CLSTN2: variants seen among roughly 807,000 people sequenced by gnomAD.
CLSTN2 encodes the protein calsyntenin 2.
A neutral mutation model predicts 101.2 loss-of-function variants in CLSTN2; 48 were observed. The ratio of observed to expected loss-of-function variants is 0.47; its 90% CI spans 0.38 to 0.60. CLSTN2 has a LOEUF of 0.60. CLSTN2 is among the 20% of genes least tolerant of loss of function. The probability of loss-of-function intolerance (pLI) is 0.00; values close to 1 mark genes in which losing one functional copy is unlikely to be tolerated. For synonymous variants in CLSTN2, 481 were observed against 463.6 expected, an observed-to-expected ratio of 1.04 and a Z score of -0.48; for missense variants, 1,160 against 1,238.2, an observed-to-expected ratio of 0.94 and a Z score of 0.95.
chr3:140,396,850 G>T (rs1315131662), intron 2 of CLSTN2, among the ~76,000 whole-genome samples: 1 of 152,200 alleles, frequency 6.6e-6, no homozygotes, highest in East Asian at 1.9e-4. Flanking sequence ...CAGGAGCAGG[G>T]TATGGAATTA....
intron 8 of CLSTN2, among the ~76,000 whole-genome samples, chr3:140,481,556 G>A (rs1467389678): frequency 8.5e-5 from 13 of 152,094 alleles, no homozygotes; most frequent in Admixed American, 3.9e-4. Flanking sequence ...CCATTTTCAC[G>A]ATATTGATTC....
At chr3:140,554,608 T>G (rs1275797471) in intron 10 of CLSTN2, among the ~76,000 whole-genome samples, 1 of 152,206 alleles carries the variant, frequency 6.6e-6, no homozygotes, top group Non-Finnish European at 1.5e-5. Flanking sequence ...GTTGGCAACA[T>G]TTATCCAAGT....
At chr3:140,472,560 G>A (rs981397833) in intron 8 of CLSTN2, among the ~76,000 whole-genome samples, 73 of 152,224 alleles carry the variant, frequency 4.8e-4, no homozygotes, top group African/African-American at 1.8e-3. Flanking sequence ...TTAAAGACTA[G>A]CTCTTGGCTT....
Position 140,566,133 on chromosome 3 carries a change from C to G in CLSTN2, c.2748C>G (p.Ser916Arg), listed in dbSNP as rs777378227. The G allele has an allele frequency of 3.1e-6, 5 of 1,611,080 alleles. No homozygotes were observed. In the East Asian group the frequency reaches 1.1e-4, roughly 36 times the overall value. ...AAGCCGAGGAAGAAATGAGCTCCAG[C>G]AGTGGCTCTGACGACAGCGAAGAGG... Reference protein sequence around the residue: ...EEEAEEEMSSSSGSDDSEEEE... With the variant: ...EEEAEEEMSSRSGSDDSEEEE... The change falls in exon 17 of 17, where the codon AGC becomes AGG. Residue 916 changes from serine (S) to arginine (R), a missense_variant. By Grantham distance (110) the Ser-to-Arg change is moderately radical. Coordinates refer to ENST00000458420, the MANE Select transcript of CLSTN2 (RefSeq NM_022131.3).
chr3:140,412,873 G>A (rs775026348), intron 4 of CLSTN2, among the ~76,000 whole-genome samples: 2 of 152,122 alleles, frequency 1.3e-5, no homozygotes, highest in Admixed American at 6.5e-5. Flanking sequence ...AAAACTTTTC[G>A]GATGTAGGAA....
chr3:140,170,986 T>C (rs920197257), intron 1 of CLSTN2, among the ~76,000 whole-genome samples: 1 of 152,196 alleles, frequency 6.6e-6, no homozygotes, highest in African/African-American at 2.4e-5. Context: ...ACCATTTAGA[T>C]AGGCACAATG....
chr3:140,436,035 T>G (rs1270207298), intron 5 of CLSTN2, among the ~76,000 whole-genome samples: 1 of 152,214 alleles, frequency 6.6e-6, no homozygotes, highest in Admixed American at 6.5e-5. Context: ...CTCTTCACTT[T>G]GTTGATTGTT....
chr3:140,301,227 A>G (rs2087055295), intron 2 of CLSTN2, among the ~76,000 whole-genome samples: 3 of 152,158 alleles, frequency 2.0e-5, no homozygotes, highest in African/African-American at 4.8e-5. Flanking sequence ...CATATACTTA[A>G]CCATCACAGT....
At chr3:140,531,863 C>A (rs989094898) in intron 8 of CLSTN2, among the ~76,000 whole-genome samples, 1 of 152,150 alleles carries the variant, frequency 6.6e-6, no homozygotes, top group African/African-American at 2.4e-5. Flanking sequence ...GGGGATTAAA[C>A]AAGTTGTGTG....
chr3:139,946,776 T>C lies in CLSTN2; in HGVS notation c.109+11293T>C, dbSNP rs145685007. Among the ~76,000 whole-genome samples, 13 of 152,342 alleles carry C rather than the reference T, an allele frequency of 8.5e-5. No homozygotes were observed. In the East Asian group the frequency reaches 2.5e-3, roughly 29 times the overall value. On this transcript the variant is annotated intron_variant, in intron 1 of 16. Transcript: ENST00000458420. The stretch of plus-strand genomic sequence containing the variant: ...TGAGGATCTGGGTCTTCTGCTGTAG[T>C]GTGTCACTAGGAGTGCCCCATCTTT...
At chr3:140,210,653 A>T (rs1483390228) in intron 2 of CLSTN2, among the ~76,000 whole-genome samples, 1 of 152,140 alleles carries the variant, frequency 6.6e-6, no homozygotes, top group African/African-American at 2.4e-5. Context: ...ATCGCAGTGA[A>T]TCCACACTGT....
chr3:140,500,222 C>T (rs540142378), intron 8 of CLSTN2, among the ~76,000 whole-genome samples: 22 of 152,170 alleles, frequency 1.4e-4, no homozygotes, highest in Non-Finnish European at 2.5e-4. Context: ...TTTGTCCACT[C>T]GGTATAACAC....
chr3:140,065,834 A>T (rs1306138760), intron 1 of CLSTN2, among the ~76,000 whole-genome samples: 1 of 152,204 alleles, frequency 6.6e-6, no homozygotes, highest in Non-Finnish European at 1.5e-5. Context: ...AAAATTCTAG[A>T]TGGAAATATT....
At chr3:140,037,622 G>C (rs2007680333) in intron 1 of CLSTN2, among the ~76,000 whole-genome samples, 1 of 151,828 alleles carries the variant, frequency 6.6e-6, no homozygotes, top group African/African-American at 2.4e-5. Flanking sequence ...TGCCATGGTG[G>C]TTTGCTGCAC....
At chr3:140,327,661 A>C (rs1052128716) in intron 2 of CLSTN2, among the ~76,000 whole-genome samples, 7 of 152,228 alleles carry the variant, frequency 4.6e-5, no homozygotes, top group African/African-American at 1.7e-4. Flanking sequence ...GATCTGGGCA[A>C]GTCAACCATC....
At chr3:140,175,350 T>C (rs1303087087) in intron 1 of CLSTN2, among the ~76,000 whole-genome samples, 6 of 149,686 alleles carry the variant, frequency 4.0e-5, no homozygotes, top group African/African-American at 1.2e-4. Flanking sequence ...TTTAGACCAC[T>C]GAGATACACA....
chr3:139,955,251 A>G (rs181675426), intron 1 of CLSTN2, among the ~76,000 whole-genome samples: 36 of 151,534 alleles, frequency 2.4e-4, no homozygotes, highest in African/African-American at 8.5e-4. Flanking sequence ...TCACAATGCC[A>G]CTGAGAAGCT....
At chr3:140,007,391 G>A (rs1229930471) in intron 1 of CLSTN2, among the ~76,000 whole-genome samples, 1 of 152,226 alleles carries the variant, frequency 6.6e-6, no homozygotes, top group Non-Finnish European at 1.5e-5. Flanking sequence ...GGTTAGCACA[G>A]GCATGAGGGG....
chr3:140,072,821 C>T (rs1468135087), intron 1 of CLSTN2, among the ~76,000 whole-genome samples: 1 of 152,174 alleles, frequency 6.6e-6, no homozygotes, highest in African/African-American at 2.4e-5. Flanking sequence ...ATCCCTGGAA[C>T]TGAGAACAGA....
Sources: gnomAD v4.1 joint callset for allele counts (sites outside exome capture counted in the v4.1 genomes callset) on GRCh38, gnomAD v4.1.1 for gene constraint, MANE v1.5 for transcripts, NCBI Gene and HGNC (gene_info 2026-07-23, HGNC 2026-07-21) for gene names.